SCML4: variants seen among roughly 807,000 people sequenced by gnomAD.
The protein encoded by SCML4 is Scm polycomb group protein like 4, also known as sex comb on midleg-like protein 4.
In SCML4, 34 loss-of-function variants were observed where a neutral mutation model predicts 41.1. The ratio of observed to expected loss-of-function variants is 0.83; its 90% confidence interval spans 0.63 to 1.10. SCML4 has a LOEUF of 1.10. Among genes scored for constraint, SCML4 ranks in the 50% least tolerant of loss-of-function variants. The probability of loss-of-function intolerance (pLI) is 0.00; values close to 1 mark genes in which losing one functional copy is unlikely to be tolerated. For missense variants in SCML4, 522 were observed against 534.1 expected (o/e 0.98, Z 0.22); for synonymous variants, 214 against 220.9 (o/e 0.97, Z 0.28).
chr6:107,704,807 A>C lies in SCML4; in HGVS notation c.*393T>G. The C allele has an allele frequency of 3.9e-6, 1 of 253,374 alleles. No individual in the cohort carries two copies. 15.7% of individuals were successfully genotyped at this position (253,374 alleles called of 1,614,324 possible). A position where few individuals can be genotyped will look rare whatever the true frequency, so the allele number is the denominator to read the frequency against. ...TCAGAGTTAGAGGCAGATGGTGCTG[A>C]GGGGGTTGTCCCTGCAGAGACCGCA... On this transcript the variant is annotated 3_prime_UTR_variant, in exon 8 of 8. Transcript: ENST00000369020.
At chr6:107,751,643 T>C (rs191748360) in intron 2 of SCML4, among the ~76,000 whole-genome samples, 191 of 144,444 alleles carry the variant, frequency 1.3e-3, no homozygotes, top group African/African-American at 4.9e-3. Flanking sequence ...TCTTTCTTTC[T>C]TTCTTTTTTG....
At chr6:107,801,382 A>G (rs1783108923) in intron 1 of SCML4, among the ~76,000 whole-genome samples, 1 of 152,124 alleles carries the variant, frequency 6.6e-6, no homozygotes, top group African/African-American at 2.4e-5. Flanking sequence ...GATGGCTCAG[A>G]GGGCGTCTCC....
At chr6:107,835,908 G>A in the SCML4 span, among the ~76,000 whole-genome samples, 7 of 152,272 alleles carry the variant, frequency 4.6e-5, no homozygotes, top group South Asian at 1.5e-3. Context: ...ATGTATGGCA[G>A]GTCAGGACCT....
chr6:107,789,714 C>T (rs1408089682), intron 1 of SCML4, among the ~76,000 whole-genome samples: 1 of 152,212 alleles, frequency 6.6e-6, no homozygotes. Context: ...ACAAGTCCTC[C>T]TTCCCTCAGA....
In SCML4 at chr6:107,749,801, C is replaced by A. The variant is rs772209399; in HGVS notation, c.169G>T (p.Val57Phe). ...RKPGYKIKSR[V>F]LMTPLALSPP... ...GAGAGGGCTAAGGGAGTCATGAGAA[C>A]CCGAGACTTGATCTGGAAGAGAGAG... Residue 57 changes from valine to phenylalanine, a missense_variant, in exon 3 of 8, where the codon GTT becomes TTT. Transcript: ENST00000369020. 1.2e-6 allele frequency: 2 copies of A among 1,614,074 alleles called. No homozygotes were observed. Among genetic ancestry groups the A allele is most frequent in the African/African-American group, 1.3e-5 (1 of 75,016 alleles).
chr6:107,765,366 G>A (rs1421529800), intron 2 of SCML4, among the ~76,000 whole-genome samples: 1 of 152,186 alleles, frequency 6.6e-6, no homozygotes, highest in African/African-American at 2.4e-5. Context: ...GTCCATGAGA[G>A]AGGATTGTTA....
chr6:107,708,690 C>G (rs1282031662), intron 6 of SCML4, among the ~76,000 whole-genome samples: 1 of 152,264 alleles, frequency 6.6e-6, no homozygotes, highest in African/African-American at 2.4e-5. Context: ...CCGGGTCTCC[C>G]CCACTGCACT....
At chr6:107,826,913 A>G (rs1429634983), upstream of SCML4, among the ~76,000 whole-genome samples, 6 of 151,526 alleles carry the variant, frequency 4.0e-5, no homozygotes, top group Non-Finnish European at 8.8e-5. Flanking sequence ...AATACAAAAA[A>G]TTAGCTGGGA....
intron 1 of SCML4, among the ~76,000 whole-genome samples, chr6:107,778,973 G>A (rs2114589161): frequency 6.6e-6 from 1 of 152,198 alleles, no homozygotes; most frequent in Middle Eastern, 3.4e-3. Context: ...GAGGTCAGGA[G>A]ATCAAGACCA....
intron 6 of SCML4, among the ~76,000 whole-genome samples, chr6:107,714,319 T>A (rs1774535330): frequency 6.6e-6 from 1 of 152,108 alleles, no homozygotes; most frequent in Non-Finnish European, 1.5e-5. Context: ...TTACCTCTGC[T>A]GGGAAGCCTC....
intron 1 of SCML4, among the ~76,000 whole-genome samples, chr6:107,801,974 T>C (rs1402012171): frequency 2.6e-5 from 4 of 151,864 alleles, no homozygotes; most frequent in Non-Finnish European, 5.9e-5. Flanking sequence ...GGTTTCACCA[T>C]GTTAGCCAGG....
chr6:107,832,234 G>A, the SCML4 span, among the ~76,000 whole-genome samples: 7 of 150,682 alleles, frequency 4.6e-5, no homozygotes, highest in Non-Finnish European at 8.8e-5. Context: ...GAAAGACTCT[G>A]TCTCAAACAA....
At position 107,749,715 on chromosome 6, in the gene SCML4, G is replaced by T; in HGVS notation, c.255C>A (p.Val85=). 6.2e-7 allele frequency: 1 copy of T among 1,614,058 alleles called. No individual in the cohort carries two copies. Among genetic ancestry groups the T allele is most frequent in the Non-Finnish European group, 8.5e-7 (1 of 1,180,008 alleles). The stretch of plus-strand genomic sequence containing the variant: ...GAGCCTGTGGGGCCGCCAAGCTGGG[G>T]ACCGTGGCTGCGTCCTGAGGGATGG... The part of the protein sequence containing the change: ...LSSIPQDAAT[V]PSLAAPQALT... The change falls in exon 3 of 8, where the codon GTC becomes GTA. Residue 85 remains valine (V), a synonymous_variant. Coordinates refer to ENST00000369020, the MANE Select transcript of SCML4 (RefSeq NM_198081.5).
At chr6:107,717,284 C>CT (rs1774930892) in intron 6 of SCML4, among the ~76,000 whole-genome samples, 1 of 115,298 alleles carries the variant, frequency 8.7e-6, no homozygotes, top group African/African-American at 3.1e-5. Context: ...GAGCGAGACT[C>CT]TGTCTCAAAA....
At chr6:107,789,505 G>A (rs186767257) in intron 1 of SCML4, among the ~76,000 whole-genome samples, 1 of 152,286 alleles carries the variant, frequency 6.6e-6, no homozygotes, top group East Asian at 1.9e-4. Context: ...CTGCGTCGTT[G>A]ACACACAGCT....
chr6:107,799,655 G>GT (rs1782958508), intron 1 of SCML4, among the ~76,000 whole-genome samples: 1 of 151,870 alleles, frequency 6.6e-6, no homozygotes, highest in Admixed American at 6.6e-5. Flanking sequence ...TTTTGAATTA[G>GT]TTTTTTTATA....
intron 1 of SCML4, among the ~76,000 whole-genome samples, chr6:107,818,698 T>C (rs1047764233): frequency 7.2e-5 from 11 of 152,258 alleles, no homozygotes; most frequent in African/African-American, 2.2e-4. Context: ...ACCAAAAGCA[T>C]GAATGCCCTG....
intron 1 of SCML4, among the ~76,000 whole-genome samples, chr6:107,776,315 C>T (rs769645928): frequency 7.9e-5 from 12 of 152,142 alleles, no homozygotes; most frequent in Non-Finnish European, 1.5e-4. Context: ...GAAGTAGTCA[C>T]GGTTTTTACC....
At chr6:107,758,490 C>T (rs535350443) in intron 2 of SCML4, among the ~76,000 whole-genome samples, 3 of 152,240 alleles carry the variant, frequency 2.0e-5, no homozygotes, top group African/African-American at 7.2e-5. Context: ...AGTTCTAATC[C>T]CCTGTACCTG....
Sources: gnomAD v4.1 joint callset for allele counts (sites outside exome capture counted in the v4.1 genomes callset) on GRCh38, gnomAD v4.1.1 for gene constraint, MANE v1.5 for transcripts, NCBI Gene and HGNC (gene_info 2026-07-23, HGNC 2026-07-21) for gene names.